HIBCH: variants seen among roughly 807,000 people sequenced by gnomAD.
The protein encoded by HIBCH is 3-hydroxyisobutyryl-CoA hydrolase, mitochondrial.
HIBCH carries 50 observed loss-of-function variants against 58.2 expected under a neutral mutation model. The ratio of observed to expected loss-of-function variants is 0.86; its 90% CI spans 0.68 to 1.09. The LOEUF (loss-of-function observed/expected upper bound fraction) is 1.09. Ranked by LOEUF, HIBCH falls within the 50% of genes least tolerant of loss-of-function variation. The pLI is 0.00. For synonymous variants in HIBCH, 151 were observed against 146.9 expected (o/e 1.03, Z -0.20); for missense variants, 450 against 449.7 (o/e 1.00, Z -0.01).
At chr2:190,201,831 T>C (rs1293231385), downstream of HIBCH, 1 of 166,976 alleles carries the variant, frequency 6.0e-6, no homozygotes, top group East Asian at 1.9e-4. Flanking sequence ...GGGCAGAAAG[T>C]TTCCCATAAG....
At chr2:190,296,650 A>G (rs1688110097) in intron 3 of HIBCH, among the ~76,000 whole-genome samples, 163 bp downstream of exon 3, 1 of 152,176 alleles carries the variant, frequency 6.6e-6, no homozygotes, top group Non-Finnish European at 1.5e-5. Context: ...GATGCTCAAG[A>G]ATAACTGCAC....
At chr2:190,310,445 A>ATAT (rs111697949) in intron 2 of HIBCH, among the ~76,000 whole-genome samples, 3 of 152,224 alleles carry the variant, frequency 2.0e-5, no homozygotes, top group Non-Finnish European at 4.4e-5. Context: ...TCTAAGGTAG[A>ATAT]TATTATTATT....
At chr2:190,302,960 G>C (rs984422659) in intron 2 of HIBCH, among the ~76,000 whole-genome samples, 2 of 152,174 alleles carry the variant, frequency 1.3e-5, no homozygotes, top group African/African-American at 2.4e-5. Flanking sequence ...GCAAGGAGCA[G>C]GTAACAATTC....
chr2:190,197,695 C>T lies in HIBCH; in HGVS notation c.*17+7405G>A, dbSNP rs1281248157. Reference sequence around the variant, plus strand: ...TTTTTCTTCTCTCAGGGATCACAATCCAGTGTTGCTTGTTGCTCTATGCCT... The same window carrying T: ...TTTTTCTTCTCTCAGGGATCACAATTCAGTGTTGCTTGTTGCTCTATGCCT... On this transcript the variant is annotated intron_variant, in intron 1 of 1. Coordinates refer to the HIBCH transcript ENST00000399855. The surrounding 1 kb of genome is among the most constrained non-coding windows in gnomAD (Gnocchi z 4.0). Among the ~76,000 whole-genome samples, 1 of 152,170 alleles carries T rather than the reference C, an allele frequency of 6.6e-6. No homozygotes were observed. The highest frequency in any genetic ancestry group is 2.4e-5 in the African/African-American group (1 of 41,436).
At chr2:190,252,721 C>T (rs995098889) in intron 7 of HIBCH, among the ~76,000 whole-genome samples, 5 of 152,062 alleles carry the variant, frequency 3.3e-5, no homozygotes, top group African/African-American at 1.2e-4. Context: ...AAAATTATTA[C>T]CATTTAAATC....
intron 11 of HIBCH, among the ~76,000 whole-genome samples, chr2:190,237,775 A>C (rs1686322180): frequency 6.6e-6 from 1 of 151,992 alleles, no homozygotes; most frequent in Non-Finnish European, 1.5e-5. Flanking sequence ...CTAGGTTTTA[A>C]GCCCCTCATG....
downstream of HIBCH, among the ~76,000 whole-genome samples, chr2:190,199,109 A>G (rs1324384632): frequency 6.6e-6 from 1 of 152,260 alleles, no homozygotes; most frequent in Non-Finnish European, 1.5e-5. Flanking sequence ...GGATAAAGCC[A>G]GACTCTAACA....
intron 3 of HIBCH, among the ~76,000 whole-genome samples, chr2:190,295,672 A>G (rs1363326073): frequency 6.6e-6 from 1 of 152,234 alleles, no homozygotes; most frequent in African/African-American, 2.4e-5. Flanking sequence ...TAATTACATT[A>G]ATAGAGATGT....
chr2:190,289,580 T>C (rs1426545363), intron 5 of HIBCH, among the ~76,000 whole-genome samples: 1 of 152,160 alleles, frequency 6.6e-6, no homozygotes, highest in Non-Finnish European at 1.5e-5. Flanking sequence ...ACTTCCAAAC[T>C]TGCAGTATTA....
intron 6 of HIBCH, among the ~76,000 whole-genome samples, chr2:190,284,387 A>G (rs1687781086): frequency 6.6e-6 from 1 of 152,234 alleles, no homozygotes; most frequent in Non-Finnish European, 1.5e-5. Context: ...CTGTAAAAAA[A>G]AAATGGAAGT....
chr2:190,252,814 G>A (rs768065776), intron 7 of HIBCH, among the ~76,000 whole-genome samples: 2 of 152,056 alleles, frequency 1.3e-5, no homozygotes, highest in African/African-American at 4.8e-5. Flanking sequence ...AAATGAACAG[G>A]TTTATACCTA....
chr2:190,247,416 G>C (rs181679496), intron 9 of HIBCH, among the ~76,000 whole-genome samples: 95 of 152,238 alleles, frequency 6.2e-4, no homozygotes, highest in Non-Finnish European at 1.0e-3. Flanking sequence ...ATAAAAACAA[G>C]TGAAATCCTC....
At chr2:190,221,245 T>C (rs1685709923) in intron 11 of HIBCH, among the ~76,000 whole-genome samples, 1 of 152,210 alleles carries the variant, frequency 6.6e-6, no homozygotes, top group African/African-American at 2.4e-5. Context: ...GTTTGGACTC[T>C]ACCGTCAGAG....
chr2:190,190,816 G>A (rs986983167), intron 1 of HIBCH, among the ~76,000 whole-genome samples: 5 of 152,212 alleles, frequency 3.3e-5, no homozygotes, highest in African/African-American at 7.2e-5. Flanking sequence ...TCATTTTGGT[G>A]AACAAGTCTA....
At chr2:190,295,346 T>C (rs1367197833) in intron 3 of HIBCH, among the ~76,000 whole-genome samples, 1 of 152,228 alleles carries the variant, frequency 6.6e-6, no homozygotes, top group East Asian at 1.9e-4. Context: ...CAATATGAGA[T>C]ATCCTGGGGA....
At position 190,236,651 on chromosome 2, in the gene HIBCH, C is replaced by T. The variant is rs1215713657; in HGVS notation, c.891+8236G>A. 6.6e-6 allele frequency among the ~76,000 whole-genome samples: 1 copy of T among 152,140 alleles called. No individual in the cohort carries two copies. Among genetic ancestry groups the T allele is most frequent in the Non-Finnish European group, 1.5e-5 (1 of 68,012 alleles). On this transcript the variant is annotated intron_variant, in intron 11 of 13. Coordinates refer to ENST00000359678, the MANE Select transcript of HIBCH (RefSeq NM_014362.4). The surrounding 1 kb of genome is among the most constrained non-coding windows in gnomAD (Gnocchi z 4.1). ...TCATATTACTATATAAAGACCAAAA[C>T]AGACCTTCAAAACATGGCACTAATA...
rs946253526 is a variant in HIBCH at position 190,216,931 on chromosome 2, T to C, written c.892-3856A>G. ...GCAGTTGCTGGGTCACCAGCAGGGG[T>C]GGTGTGGAATACAAACAGTACAGCT... On this transcript the variant is annotated intron_variant, in intron 11 of 13. Transcript: ENST00000359678. This position sits in a 1 kb window ranked among gnomAD's most constrained non-coding sequence, Gnocchi z 4.2. Among the ~76,000 whole-genome samples the C allele has an allele frequency of 4.6e-5, 7 of 151,776 alleles. No individual in the cohort carries two copies. The highest frequency in any genetic ancestry group is 7.4e-5 in the Non-Finnish European group (5 of 67,962).
chr2:190,277,597 T>C (rs1002841204), intron 6 of HIBCH, among the ~76,000 whole-genome samples: 1 of 152,232 alleles, frequency 6.6e-6, no homozygotes, highest in Non-Finnish European at 1.5e-5. Context: ...GAACTGAGAC[T>C]GTCTCTCTGC....
At chr2:190,249,913 C>T (rs1686714105) in intron 8 of HIBCH, among the ~76,000 whole-genome samples, 187 bp from the exon 9 acceptor site, 2 of 152,042 alleles carry the variant, frequency 1.3e-5, no homozygotes, top group Non-Finnish European at 2.9e-5. Context: ...GCAAATGTAG[C>T]CTTCAAAGGA....
Sources: allele counts gnomAD v4.1 joint callset (sites outside exome capture counted in the v4.1 genomes callset), GRCh38; gene constraint gnomAD v4.1.1; non-coding constraint Gnocchi (gnomAD v3.1); transcripts MANE v1.5; gene names NCBI Gene and HGNC (gene_info 2026-07-23, HGNC 2026-07-21).